TAPT1: variants seen among roughly 807,000 people sequenced by gnomAD.
The protein encoded by TAPT1 is transmembrane anterior posterior transformation 1.
In TAPT1, 28 loss-of-function variants were observed where a neutral mutation model predicts 65.6. The observed-to-expected ratio is 0.43, with a 90% CI of 0.32 to 0.59. The LOEUF is 0.59. Among genes scored for constraint, TAPT1 ranks in the 20% least tolerant of loss-of-function variants. TAPT1 has a pLI of 0.09. For synonymous variants in TAPT1, 278 were observed against 245.2 expected (o/e 1.13, Z -1.25); for missense variants, 563 against 679.9 (o/e 0.83, Z 1.91).
intron 12 of TAPT1, among the ~76,000 whole-genome samples, chr4:16,169,817 A>AT (rs1433867443): frequency 6.6e-6 from 1 of 152,228 alleles, no homozygotes; most frequent in Non-Finnish European, 1.5e-5. Context: ...GCAGGAAACA[A>AT]TGTGAAAAAC....
At chr4:16,166,187 G>A (rs969842458) in intron 13 of TAPT1, among the ~76,000 whole-genome samples, 10 of 152,198 alleles carry the variant, frequency 6.6e-5, no homozygotes, top group African/African-American at 2.4e-4. Context: ...GTGCTGTCTC[G>A]GGCTCCAGGA....
Position 16,226,288 on chromosome 4 carries a change from C to G in TAPT1, c.170G>C (p.Arg57Pro), listed in dbSNP as rs1248746825. Residue 57 changes from arginine to proline, a missense_variant, in exon 1 of 14, where the codon CGG (arginine) becomes CCG (proline). Arg to Pro is a moderately radical substitution (Grantham distance 103). Coordinates refer to ENST00000405303, the MANE Select transcript of TAPT1 (RefSeq NM_153365.3). ...TETLGFYESD[R>P]RRERRRGRTE... is the part of the protein sequence containing the mutation. ...GCGGCCCCGGCGCCTCTCCCGCCGC[C>G]GGTCGCTCTCGTAGAAGCCCAGCGT... 2.7e-6 allele frequency: 3 copies of G among 1,128,360 alleles called. No individual in the cohort carries two copies. Among genetic ancestry groups the G allele is most frequent in the Non-Finnish European group, 3.3e-6 (3 of 922,420 alleles). 69.9% of individuals were successfully genotyped at this position (1,128,360 alleles called of 1,614,324 possible).
At chr4:16,177,950 G>A (rs1466184934) in intron 8 of TAPT1, among the ~76,000 whole-genome samples, 4 of 152,110 alleles carry the variant, frequency 2.6e-5, no homozygotes. Flanking sequence ...ACTAACAAAG[G>A]AGGCAAGATA....
intron 1 of TAPT1, 46 bp from the exon 2 acceptor site, chr4:16,213,944 A>C (rs767786540): frequency 8.4e-6 from 13 of 1,544,212 alleles, no homozygotes; most frequent in Non-Finnish European, 1.1e-5. Flanking sequence ...AGTATTTATC[A>C]AGGAACTTCC....
At chr4:16,175,346 AAG>A (rs1472764997) in intron 9 of TAPT1, among the ~76,000 whole-genome samples, 3 of 152,156 alleles carry the variant, frequency 2.0e-5, no homozygotes, top group Non-Finnish European at 4.4e-5. Flanking sequence ...CTTTACAAAA[AAG>A]TACAAAACTG....
At chr4:16,165,859 T>C (rs76733896) in intron 13 of TAPT1, among the ~76,000 whole-genome samples, 7,733 of 152,284 alleles carry the variant, frequency 0.051, 227 homozygotes, top group Middle Eastern at 0.14. Context: ...GCTGCCTCTC[T>C]GGTCCCTACC....
chr4:16,172,394 A>G (rs1169317658), intron 11 of TAPT1, among the ~76,000 whole-genome samples: 1 of 151,918 alleles, frequency 6.6e-6, no homozygotes, highest in Non-Finnish European at 1.5e-5. Context: ...GTTTATCCTT[A>G]TATTTGTATG....
chr4:16,187,058 C>T (rs1161261478), intron 5 of TAPT1, among the ~76,000 whole-genome samples, 180 bp from the exon 6 acceptor site: 2 of 152,138 alleles, frequency 1.3e-5, no homozygotes, highest in African/African-American at 4.8e-5. Context: ...AGGATATGTG[C>T]AATCCACATG....
At chr4:16,194,866 T>TGATTTCCCCCCTC (rs1560172297) in intron 3 of TAPT1, among the ~76,000 whole-genome samples, 1 of 18,664 alleles carries the variant, frequency 5.4e-5, no homozygotes, top group African/African-American at 1.3e-4. Context: ...TCTGTCTTCT[T>TGATTTCCCCCCTC]CTTCTTCTTC....
intron 4 of TAPT1, 71 bp downstream of exon 4, chr4:16,191,290 G>C (rs1268765191): frequency 1.4e-6 from 2 of 1,455,470 alleles, no homozygotes; most frequent in Non-Finnish European, 9.3e-7. Flanking sequence ...TGACTCTCAG[G>C]TACCTTCAGA....
chr4:16,198,939 A>G (rs566147636), intron 3 of TAPT1, among the ~76,000 whole-genome samples: 10 of 152,312 alleles, frequency 6.6e-5, no homozygotes, highest in Non-Finnish European at 1.2e-4. Context: ...GCTCAAAGAG[A>G]TATTTTCTAA....
chr4:16,208,325 C>A (rs566924666), intron 2 of TAPT1, among the ~76,000 whole-genome samples: 1 of 152,284 alleles, frequency 6.6e-6, no homozygotes, highest in South Asian at 2.1e-4. Flanking sequence ...GATGGCTAAC[C>A]CAATAACCAT....
At chr4:16,226,620 G>T (rs1029035083), upstream of TAPT1, 131 of 288,536 alleles carry the variant, frequency 4.5e-4, no homozygotes, top group African/African-American at 2.7e-3. Context: ...TCAGCGACGC[G>T]TGTGAGGCCG....
intron 3 of TAPT1, among the ~76,000 whole-genome samples, 153 bp downstream of exon 3, chr4:16,202,306 ATAT>A (rs1213666507): frequency 6.6e-6 from 1 of 152,168 alleles, no homozygotes; most frequent in Non-Finnish European, 1.5e-5. Context: ...TTATATAAAC[ATAT>A]TATATAATAT....
chr4:16,195,224 T>G (rs904318123), intron 3 of TAPT1, among the ~76,000 whole-genome samples: 3 of 152,248 alleles, frequency 2.0e-5, no homozygotes, highest in African/African-American at 7.2e-5. Flanking sequence ...GTTCCTTCTC[T>G]GCCAGGATAT....
intron 2 of TAPT1, among the ~76,000 whole-genome samples, chr4:16,205,136 A>AAAAAATCTACGTGTCCCTTTATGAC (rs1750266287): frequency 6.6e-6 from 1 of 152,222 alleles, no homozygotes; most frequent in African/African-American, 2.4e-5. Flanking sequence ...TTCACCTTTT[A>AAAAAATCTACGTGTCCCTTTATGAC]AAAAATCTAC....
At chr4:16,174,025 C>T (rs1049286567) in intron 11 of TAPT1, among the ~76,000 whole-genome samples, 179 bp downstream of exon 11, 1 of 152,144 alleles carries the variant, frequency 6.6e-6, no homozygotes, top group Non-Finnish European at 1.5e-5. Flanking sequence ...ATGGCTCAAC[C>T]AATAGATATT....
intron 12 of TAPT1, 75 bp from the exon 13 acceptor site, chr4:16,166,868 G>A: frequency 1.4e-6 from 2 of 1,460,252 alleles, no homozygotes; most frequent in Non-Finnish European, 1.9e-6. Flanking sequence ...TACTACCATG[G>A]CTAAGGAGAA....
intron 12 of TAPT1, among the ~76,000 whole-genome samples, chr4:16,168,806 C>T (rs1002361019): frequency 6.6e-6 from 1 of 152,260 alleles, no homozygotes; most frequent in East Asian, 1.9e-4. Flanking sequence ...CCTAGACCAG[C>T]CCAGGCCCAG....
Sources: allele counts gnomAD v4.1 joint callset (sites outside exome capture counted in the v4.1 genomes callset), GRCh38; gene constraint gnomAD v4.1.1; transcripts MANE v1.5; gene names NCBI Gene and HGNC (gene_info 2026-07-23, HGNC 2026-07-21).